The following ROS1 variants were observed in gnomAD, a reference collection of about 807,000 sequenced individuals.
The protein encoded by ROS1 is proto-oncogene tyrosine-protein kinase ROS.
In ROS1, 263 loss-of-function variants were observed where a neutral mutation model predicts 273.5. That is an observed-to-expected ratio of 0.96 (90% confidence interval 0.87 to 1.06). The LOEUF (loss-of-function observed/expected upper bound fraction) is 1.06. ROS1 is among the 50% of genes least tolerant of loss of function. The probability of loss-of-function intolerance (pLI) is 0.00; values close to 1 mark genes in which losing one functional copy is unlikely to be tolerated. For synonymous variants in ROS1, 1,008 were observed against 954.1 expected, an observed-to-expected ratio of 1.06 and a Z score of -1.04; for missense variants, 2,833 against 2,751.1, an observed-to-expected ratio of 1.03 and a Z score of -0.67.
chr6:117,357,958 T>C lies in ROS1; in HGVS notation c.3685A>G (p.Ile1229Val), dbSNP rs1488238763. ...FDITVITIDW[I>V]SRHLYFALKE... Reference sequence around the variant, plus strand: ...AGTGCAAAGTAGAGGTGCCTTGAAATCCAGTCAATTGTAATAACTGTGATA... The same window carrying C: ...AGTGCAAAGTAGAGGTGCCTTGAAACCCAGTCAATTGTAATAACTGTGATA... The change falls in exon 25 of 44, where the codon ATT (isoleucine) becomes GTT (valine). Residue 1229 changes from isoleucine to valine, a missense_variant. Coordinates refer to ENST00000368507, the MANE Select transcript of ROS1 (RefSeq NM_001378902.1). The C allele has an allele frequency of 2.5e-6, 4 of 1,613,644 alleles. No individual in the cohort carries two copies. Among genetic ancestry groups the C allele is most frequent in the Non-Finnish European group, 3.4e-6 (4 of 1,179,840 alleles).
intron 34 of ROS1, among the ~76,000 whole-genome samples, chr6:117,325,807 T>C (rs181895618): frequency 9.9e-5 from 15 of 151,994 alleles, no homozygotes; most frequent in African/African-American, 9.6e-5. Context: ...TAAAATAAAA[T>C]ACACAGTGGA....
chr6:117,409,161 A>C (rs1053292524), intron 5 of ROS1, among the ~76,000 whole-genome samples: 1 of 152,044 alleles, frequency 6.6e-6, no homozygotes, highest in Non-Finnish European at 1.5e-5. Context: ...ACATGTATAC[A>C]TATGTAACAA....
Position 117,425,610 on chromosome 6 carries a change from G to C in ROS1, c.47C>G (p.Thr16Ser). 1 of 1,612,474 alleles carries C rather than the reference G, an allele frequency of 6.2e-7. No individual in the cohort carries two copies. Among genetic ancestry groups the C allele is most frequent in the Non-Finnish European group, 8.5e-7 (1 of 1,179,418 alleles). The change falls in exon 1 of 44, where the codon ACT (threonine) becomes AGT (serine). Residue 16 changes from threonine to serine, a missense_variant. Transcript: ENST00000368507. Reference protein sequence around the residue: ...CLIPKLVNFATLGCLWISVVQ... With the variant: ...CLIPKLVNFASLGCLWISVVQ... ...CACAGAAATCCATAGGCAGCCAAGA[G>C]TTGCAAAATTGACAAGCTTCGGAAT...
In ROS1 at chr6:117,353,024, G is replaced by T. The variant is rs780790038; in HGVS notation, c.4269C>A (p.Ile1423=). Residue 1423 remains isoleucine (I), a synonymous_variant, in exon 27 of 44, where the codon ATC becomes ATA. Transcript: ENST00000368507. The part of the protein sequence containing the change: ...SQVKALRSRH[I]LAYSSVMQPF... ...GCTGCATAACTGAACTGTAAGCCAA[G>T]ATATGCCTACTCCTTAGGGCCTTCA... The T allele has an allele frequency of 9.3e-6, 15 of 1,613,784 alleles. No individual in the cohort carries two copies. The highest frequency in any genetic ancestry group is 1.1e-5 in the Non-Finnish European group (13 of 1,179,964).
intron 7 of ROS1, among the ~76,000 whole-genome samples, chr6:117,402,139 A>G (rs1381063357): frequency 6.6e-6 from 1 of 152,102 alleles, no homozygotes; most frequent in East Asian, 1.9e-4. Flanking sequence ...CCAGAATAAA[A>G]GCCACATTCC....
chr6:117,380,287 A>C (rs952142023), intron 17 of ROS1, among the ~76,000 whole-genome samples: 1 of 152,258 alleles, frequency 6.6e-6, no homozygotes, highest in East Asian at 1.9e-4. Context: ...CCAAGAGCTA[A>C]AAATTCTTCC....
At chr6:117,424,425 T>G (rs73551175) in intron 1 of ROS1, among the ~76,000 whole-genome samples, 3,783 of 151,900 alleles carry the variant, frequency 0.025, 134 homozygotes, top group African/African-American at 0.086. Flanking sequence ...GTTATAAATA[T>G]TTTATTTAAA....
At chr6:117,325,837 G>C (rs900474102) in intron 34 of ROS1, among the ~76,000 whole-genome samples, 1 of 152,060 alleles carries the variant, frequency 6.6e-6, no homozygotes, top group African/African-American at 2.4e-5. Flanking sequence ...TATTGGGGAA[G>C]AAACAAAGGT....
chr6:117,391,805 G>A (rs757646532), intron 12 of ROS1, among the ~76,000 whole-genome samples: 1 of 152,032 alleles, frequency 6.6e-6, no homozygotes, highest in East Asian at 1.9e-4. Context: ...AGACAATTAC[G>A]GAATCAACCC....
intron 43 of ROS1, among the ~76,000 whole-genome samples, chr6:117,292,033 G>A (rs774623078): frequency 4.6e-5 from 7 of 151,156 alleles, no homozygotes; most frequent in Admixed American, 1.3e-4. Flanking sequence ...GCAGTGGTGC[G>A]ATCTCGGCTC....
chr6:117,328,761 GTCTGAGGCTGTTCA>G (rs1475439593), intron 33 of ROS1: 1 of 613,708 alleles, frequency 1.6e-6, no homozygotes, highest in African/African-American at 1.8e-5. Flanking sequence ...TACTGGCCAG[GTCTGAGGCTGTTCA>G]TCAGTGGCTG....
intron 32 of ROS1, among the ~76,000 whole-genome samples, chr6:117,329,692 C>T (rs1387572629): frequency 6.6e-6 from 1 of 152,080 alleles, no homozygotes; most frequent in Non-Finnish European, 1.5e-5. Context: ...AGAAGGCTGG[C>T]GTGACCCACA....
intron 27 of ROS1, among the ~76,000 whole-genome samples, chr6:117,351,787 G>A (rs1039662504): frequency 1.3e-5 from 2 of 152,136 alleles, no homozygotes; most frequent in Admixed American, 6.5e-5. Flanking sequence ...TTTGGGTGGA[G>A]TGGCAATTTC....
chr6:117,388,027 G>T (rs1416061465), intron 13 of ROS1, 35 bp from the exon 14 acceptor site: 1 of 1,613,104 alleles, frequency 6.2e-7, no homozygotes, highest in East Asian at 2.2e-5. Flanking sequence ...CACTGATCAG[G>T]ATGACATCTG....
chr6:117,343,520 G>A (rs182690110), intron 28 of ROS1, among the ~76,000 whole-genome samples: 11 of 152,240 alleles, frequency 7.2e-5, no homozygotes, highest in Admixed American at 3.3e-4. Flanking sequence ...GTTAGTGAAT[G>A]CCTACACAGT....
At chr6:117,373,306 G>A (rs1366514545) in intron 18 of ROS1, among the ~76,000 whole-genome samples, 5 of 152,240 alleles carry the variant, frequency 3.3e-5, no homozygotes, top group Non-Finnish European at 7.3e-5. Context: ...TCAGCCCTTG[G>A]GCGGTCAATG....
intron 31 of ROS1, among the ~76,000 whole-genome samples, 169 bp from the exon 32 acceptor site, chr6:117,337,509 G>A (rs550917822): frequency 4.9e-4 from 75 of 152,128 alleles, no homozygotes; most frequent in East Asian, 1.7e-3. Flanking sequence ...GCCTATAGTC[G>A]TTTTGCTTTT....
At chr6:117,372,371 C>T (rs1161544977) in intron 18 of ROS1, among the ~76,000 whole-genome samples, 2 of 152,164 alleles carry the variant, frequency 1.3e-5, no homozygotes, top group Non-Finnish European at 2.9e-5. Context: ...CATAAAGCTC[C>T]TAATACTGAC....
At chr6:117,390,618 C>T (rs1772989952) in intron 12 of ROS1, among the ~76,000 whole-genome samples, 1 of 152,132 alleles carries the variant, frequency 6.6e-6, no homozygotes, top group Admixed American at 6.5e-5. Flanking sequence ...TTTAATTGTA[C>T]AGTTATCATT....
Sources: gnomAD v4.1 joint callset for allele counts (sites outside exome capture counted in the v4.1 genomes callset) on GRCh38, gnomAD v4.1.1 for gene constraint, MANE v1.5 for transcripts, NCBI Gene and HGNC (gene_info 2026-07-23, HGNC 2026-07-21) for gene names.